Variants in FKBP14 observed in about 807,000 individuals in gnomAD.
FKBP14 encodes peptidyl-prolyl cis-trans isomerase FKBP14.
A neutral mutation model predicts 21.6 loss-of-function variants in FKBP14; 20 were observed. The ratio of observed to expected loss-of-function variants is 0.92; its 90% confidence interval spans 0.65 to 1.34. The LOEUF (loss-of-function observed/expected upper bound fraction) is 1.34, where lower values mean the gene tolerates loss of function less well. Among genes scored for constraint, FKBP14 ranks in the 40% most tolerant of loss-of-function variants. The pLI is 0.00. For missense variants in FKBP14, 253 were observed against 249.0 expected, an observed-to-expected ratio of 1.02 and a Z score of -0.11; for synonymous variants, 79 against 86.7, an observed-to-expected ratio of 0.91 and a Z score of 0.49.
At chr7:30,023,525 CAG>C (rs1790090186) in intron 1 of FKBP14, among the ~76,000 whole-genome samples, 1 of 152,208 alleles carries the variant, frequency 6.6e-6, no homozygotes, top group Admixed American at 6.5e-5. Context: ...GTTTCCTCCT[CAG>C]GGGTCTACAG....
intron 1 of FKBP14, 41 bp downstream of exon 1, chr7:30,026,271 A>C: frequency 1.3e-6 from 2 of 1,546,284 alleles, no homozygotes; most frequent in Non-Finnish European, 1.8e-6. Flanking sequence ...AAGTGAGTGG[A>C]TTCTTAATTA....
Position 30,011,011 on chromosome 7 carries a change from T to G in FKBP14, c.*3724A>C, listed in dbSNP as rs1562834003. On this transcript the variant is annotated 3_prime_UTR_variant, in exon 4 of 4. Transcript: ENST00000222803. ...CTAGAAAATTTACAGTAAGCTAAGGTTAGTTTTTTATTATTTCTATAAAAA... is the reference window on the plus strand; with the variant it reads ...CTAGAAAATTTACAGTAAGCTAAGGGTAGTTTTTTATTATTTCTATAAAAA... 6.6e-6 allele frequency: 1 copy of G among 151,956 alleles called. No homozygotes were observed. The highest frequency in any genetic ancestry group is 2.4e-5 in the African/African-American group (1 of 41,410). 9.4% of individuals were successfully genotyped at this position (151,956 alleles called of 1,614,324 possible). A position where few individuals can be genotyped will look rare whatever the true frequency, so the allele number is the denominator to read the frequency against.
intron 3 of FKBP14, among the ~76,000 whole-genome samples, chr7:30,017,508 G>T (rs989174594): frequency 3.9e-5 from 6 of 151,920 alleles, no homozygotes; most frequent in African/African-American, 1.5e-4. Flanking sequence ...CACAGAGGCT[G>T]CAGTGAGCTG....
At chr7:30,023,210 G>C (rs1790081446) in intron 1 of FKBP14, among the ~76,000 whole-genome samples, 1 of 152,188 alleles carries the variant, frequency 6.6e-6, no homozygotes, top group South Asian at 2.1e-4. Flanking sequence ...TTAAGTTCCA[G>C]TCTTTAAACC....
intron 2 of FKBP14, 40 bp from the exon 3 acceptor site, chr7:30,019,163 A>G (rs367865949): frequency 1.3e-6 from 2 of 1,546,502 alleles, no homozygotes; most frequent in African/African-American, 1.4e-5. Flanking sequence ...TAAAAGAGCC[A>G]AAAGTTTTAA....
rs1483334972 is a variant in FKBP14, at chr7:30,013,661, C to G, written c.*1074G>C. 3 of 152,102 alleles carry G rather than the reference C, an allele frequency of 2.0e-5. No individual in the cohort carries two copies. Among genetic ancestry groups the G allele is most frequent in the Non-Finnish European group, 2.9e-5 (2 of 68,006 alleles). 9.4% of individuals were successfully genotyped at this position (152,102 alleles called of 1,614,324 possible). ...TACTATAGACTACCCATTAAAGAACCAGGAAGGATATTCCGCTAGCCTTAA... is the reference window on the plus strand; with the variant it reads ...TACTATAGACTACCCATTAAAGAACGAGGAAGGATATTCCGCTAGCCTTAA... On this transcript the variant is annotated 3_prime_UTR_variant, in exon 4 of 4. Transcript: ENST00000222803.
At chr7:30,023,756 G>C (rs1040913062) in intron 1 of FKBP14, among the ~76,000 whole-genome samples, 3 of 152,202 alleles carry the variant, frequency 2.0e-5, no homozygotes, top group Non-Finnish European at 4.4e-5. Context: ...GCAAGAATGA[G>C]TGTGCAGAGG....
rs2127948243 is a variant in FKBP14, at chr7:30,018,989, A to T, written c.477+7T>A. ...TAGAAAGAGGAGTAGGAAGAAGGAA[A>T]GGTCACCTCATCTTTAGAGAGTTTC... On this transcript the variant is annotated splice_region_variant and intron_variant, in intron 3 of 3. Coordinates refer to ENST00000222803, the MANE Select transcript of FKBP14 (RefSeq NM_017946.4). 2.5e-6 allele frequency: 4 copies of T among 1,607,830 alleles called. No individual in the cohort carries two copies. In the South Asian group the frequency reaches 4.5e-5, roughly 18 times the overall value.
rs1034856180 is a variant in FKBP14 at position 30,014,100 on chromosome 7, T to A, written c.*635A>T. The stretch of plus-strand genomic sequence containing the variant: ...CTGGTCTCGAACTCCCAACCTCAGG[T>A]GATCCGCCCGCCTCAGCCTCCCAAA... On this transcript the variant is annotated 3_prime_UTR_variant, in exon 4 of 4. Transcript: ENST00000222803. The A allele has an allele frequency of 2.0e-5, 3 of 152,050 alleles. No homozygotes were observed. The highest frequency in any genetic ancestry group is 2.9e-5 in the Non-Finnish European group (2 of 68,034). 9.4% of individuals were successfully genotyped at this position (152,050 alleles called of 1,614,324 possible). A position where few individuals can be genotyped will look rare whatever the true frequency, so the allele number is the denominator to read the frequency against.
chr7:30,016,680 C>T (rs1284794613), intron 3 of FKBP14, among the ~76,000 whole-genome samples: 1 of 152,102 alleles, frequency 6.6e-6, no homozygotes, highest in Non-Finnish European at 1.5e-5. Context: ...AGGTGTGAGC[C>T]ACCATGCCCG....
At chr7:30,022,184 A>G (rs568639617) in intron 2 of FKBP14, among the ~76,000 whole-genome samples, 57 of 152,326 alleles carry the variant, frequency 3.7e-4, no homozygotes, top group African/African-American at 1.3e-3. Context: ...TTAATAATCT[A>G]TATTTCACAT....
In FKBP14 at chr7:30,026,496, A is replaced by C; in HGVS notation, c.13T>G (p.Leu5Val). 1 of 1,611,298 alleles carries C rather than the reference A, an allele frequency of 6.2e-7. No homozygotes were observed. Among genetic ancestry groups the C allele is most frequent in the Non-Finnish European group, 8.5e-7 (1 of 1,178,852 alleles). MRLF[L>V]WNAVLTLFVT... ...AACAGAGTCAAGACCGCGTTCCACAAGAAAAGCCTCATGTTGCTGAAGCAA... is the reference window on the plus strand; with the variant it reads ...AACAGAGTCAAGACCGCGTTCCACACGAAAAGCCTCATGTTGCTGAAGCAA... The change falls in exon 1 of 4, where the codon TTG (leucine) becomes GTG (valine). Residue 5 changes from leucine (L) to valine (V), a missense_variant. By Grantham distance (32) the Leu-to-Val change is conservative (BLOSUM62 1). Transcript: ENST00000222803.
chr7:30,015,648 C>T (rs1158533926), intron 3 of FKBP14, among the ~76,000 whole-genome samples: 7 of 132,154 alleles, frequency 5.3e-5, no homozygotes, highest in East Asian at 4.6e-4. Context: ...TTTTTTGAGA[C>T]GGAGTCTCAC....
chr7:30,023,960 G>T lies in FKBP14; in HGVS notation c.198-1144C>A, dbSNP rs79520449. Among the ~76,000 whole-genome samples the T allele has an allele frequency of 4.9e-3, 748 of 152,230 alleles. 10 individuals carry two copies. The highest frequency in any genetic ancestry group is 0.017 in the African/African-American group (695 of 41,532). On this transcript the variant is annotated intron_variant, in intron 1 of 3. Transcript: ENST00000222803. Reference sequence around the variant, plus strand: ...TAGCGGAACCCTATCAACTGGGGACGAGGGAAATAGAATGTCCTGGCTCAT... The same window carrying T: ...TAGCGGAACCCTATCAACTGGGGACTAGGGAAATAGAATGTCCTGGCTCAT...
At chr7:30,008,665 G>GGACTCC, downstream of FKBP14, among the ~76,000 whole-genome samples, 1 of 145,536 alleles carries the variant, frequency 6.9e-6, no homozygotes, top group Non-Finnish European at 1.5e-5. Flanking sequence ...AGGTTGCAGT[G>GGACTCC]AGCTGAGATT....
In FKBP14 at chr7:30,011,377, T is replaced by C. The variant is rs1425414852; in HGVS notation, c.*3358A>G. On this transcript the variant is annotated 3_prime_UTR_variant, in exon 4 of 4. Coordinates refer to ENST00000222803, the MANE Select transcript of FKBP14 (RefSeq NM_017946.4). ...ATTTTTTATAAATTTTAGTGTCACC[T>C]AAGTGTACGGTGTTTATAAAGTCTA... The C allele has an allele frequency of 6.6e-6, 1 of 151,608 alleles. No homozygotes were observed. Among genetic ancestry groups the C allele is most frequent in the Non-Finnish European group, 1.5e-5 (1 of 67,940 alleles). 9.4% of individuals were successfully genotyped at this position (151,608 alleles called of 1,614,324 possible).
At chr7:30,019,975 A>T (rs1040130843) in intron 2 of FKBP14, among the ~76,000 whole-genome samples, 1 of 152,154 alleles carries the variant, frequency 6.6e-6, no homozygotes, top group Non-Finnish European at 1.5e-5. Flanking sequence ...AAAAGTGAAA[A>T]GAGCTTTGTT....
rs1789704880 is a variant in FKBP14, at chr7:30,010,879, T to C, written c.*3856A>G. 1.3e-5 allele frequency: 2 copies of C among 152,176 alleles called. No homozygotes were observed. The highest frequency in any genetic ancestry group is 2.1e-4 in the South Asian group (1 of 4,832). The allele number at this position is 152,176 out of a possible 1,614,324, so 9.4% of individuals were successfully genotyped here. A position where few individuals can be genotyped will look rare whatever the true frequency, so the allele number is the denominator to read the frequency against. On this transcript the variant is annotated 3_prime_UTR_variant, in exon 4 of 4. Coordinates refer to ENST00000222803, the MANE Select transcript of FKBP14 (RefSeq NM_017946.4). ...CAAAATTTAAATAGATAAAAGCTTATATAATAAGGATATAAGGAAAATATT... is the reference window on the plus strand; with the variant it reads ...CAAAATTTAAATAGATAAAAGCTTACATAATAAGGATATAAGGAAAATATT...
intron 1 of FKBP14, among the ~76,000 whole-genome samples, chr7:30,025,108 A>G (rs1378996808): frequency 1.3e-5 from 2 of 152,184 alleles, no homozygotes; most frequent in African/African-American, 2.4e-5. Context: ...AATGCCCAGT[A>G]AAGGCAGTTT....
Sources: allele counts gnomAD v4.1 joint callset (sites outside exome capture counted in the v4.1 genomes callset), GRCh38; gene constraint gnomAD v4.1.1; transcripts MANE v1.5; gene names NCBI Gene and HGNC (gene_info 2026-07-23, HGNC 2026-07-21).